The following TF variants were observed in gnomAD, a reference collection of about 807,000 sequenced individuals.
TF encodes the protein transferrin.
A neutral mutation model predicts 82.4 loss-of-function variants in TF; 55 were observed. The observed-to-expected ratio is 0.67, with a 90% CI of 0.54 to 0.84. The LOEUF (loss-of-function observed/expected upper bound fraction) is 0.84. Ranked by LOEUF, TF falls within the 40% of genes least tolerant of loss-of-function variation. TF has a pLI of 0.00. For missense variants in TF, 737 were observed against 868.4 expected (o/e 0.85, Z 1.90); for synonymous variants, 332 against 332.6 (o/e 1.00, Z 0.02).
In TF at chr3:133,756,302, G is replaced by C; in HGVS notation, c.656G>C (p.Gly219Ala). The C allele has an allele frequency of 6.2e-7, 1 of 1,614,084 alleles. No individual in the cohort carries two copies. Among genetic ancestry groups the C allele is most frequent in the South Asian group, 1.1e-5 (1 of 91,054 alleles). Residue 219 changes from glycine (G) to alanine (A), a missense_variant, in exon 6 of 17, where the codon GGG becomes GCG. Transcript: ENST00000402696. ...CCCAGGTGTCTGAAGGATGGTGCTGGGGATGTGGCCTTTGTCAAGCACTCG... is the reference window on the plus strand; with the variant it reads ...CCCAGGTGTCTGAAGGATGGTGCTGCGGATGTGGCCTTTGTCAAGCACTCG... Reference protein sequence around the residue: ...GAFKCLKDGAGDVAFVKHSTI... With the variant: ...GAFKCLKDGAADVAFVKHSTI...
rs1383094607 is a variant in TF at position 133,789,574 on chromosome 3, G to A, written c.*10954G>A. The A allele has an allele frequency of 1.3e-5, 2 of 152,178 alleles. No individual in the cohort carries two copies. The highest frequency in any genetic ancestry group is 2.4e-5 in the African/African-American group (1 of 41,442). The allele number at this position is 152,178 out of a possible 1,614,324, so 9.4% of individuals were successfully genotyped here. On this transcript the variant is annotated 3_prime_UTR_variant, in exon 17 of 17. Coordinates refer to ENST00000402696, the MANE Select transcript of TF (RefSeq NM_001063.4). ...TTCATTTGTGTGTGTGTATACACATGTCTAGATGTGTTTATTTGCACATTT... is the reference window on the plus strand; with the variant it reads ...TTCATTTGTGTGTGTGTATACACATATCTAGATGTGTTTATTTGCACATTT...
chr3:133,727,037 T>A, the TF span, among the ~76,000 whole-genome samples: 1 of 152,218 alleles, frequency 6.6e-6, no homozygotes, highest in Non-Finnish European at 1.5e-5. Flanking sequence ...TTGTTATAAT[T>A]TCTGTTCTTT....
the TF span, among the ~76,000 whole-genome samples, chr3:133,727,620 CTG>C: frequency 6.1e-5 from 7 of 114,778 alleles, no homozygotes; most frequent in East Asian, 1.9e-3. Flanking sequence ...ATTTGCCAGT[CTG>C]TGTCTTTTAA....
At chr3:133,754,387 T>G in intron 3 of TF, 108 bp from the exon 4 acceptor site, 1 of 1,184,726 alleles carries the variant, frequency 8.4e-7, no homozygotes. Flanking sequence ...CCCAGTCCAG[T>G]AAAAGCATGG....
the TF span, among the ~76,000 whole-genome samples, chr3:133,683,766 C>T: frequency 6.6e-6 from 1 of 152,118 alleles, no homozygotes; most frequent in Admixed American, 6.5e-5. Flanking sequence ...GACTTTAACA[C>T]CCCCCTGTCA....
chr3:133,775,982 T>C (rs1934380257), intron 15 of TF, among the ~76,000 whole-genome samples: 1 of 152,138 alleles, frequency 6.6e-6, no homozygotes, highest in South Asian at 2.1e-4. Flanking sequence ...GCTCAAAATA[T>C]GTTAGCTGTG....
At chr3:133,775,143 A>C in intron 14 of TF, 1 of 476,008 alleles carries the variant, frequency 2.1e-6, no homozygotes, top group Non-Finnish European at 3.9e-6. Context: ...AATTTAGTGG[A>C]ATTGAAGATC....
At chr3:133,729,805 C>T in the TF span, among the ~76,000 whole-genome samples, 3 of 152,114 alleles carry the variant, frequency 2.0e-5, no homozygotes, top group African/African-American at 7.2e-5. Flanking sequence ...ATCTTGGCTC[C>T]TCCCCCCCGT....
chr3:133,775,642 C>T (rs751149061), intron 15 of TF, 25 bp downstream of exon 15: 3 of 1,612,306 alleles, frequency 1.9e-6, no homozygotes, highest in African/African-American at 1.3e-5. Flanking sequence ...GGTCCTCCCA[C>T]CTTTTCTTCC....
upstream of TF, among the ~76,000 whole-genome samples, chr3:133,742,028 G>T (rs948647167): frequency 6.6e-6 from 1 of 152,178 alleles, no homozygotes; most frequent in African/African-American, 2.4e-5. Context: ...TTGTTGCCCA[G>T]GCTGGAATGC....
the TF span, among the ~76,000 whole-genome samples, chr3:133,721,127 C>T: frequency 6.6e-6 from 1 of 152,022 alleles, no homozygotes. Flanking sequence ...TTTCTTCCTT[C>T]TACCAATTTC....
chr3:133,746,278 G>T, upstream of TF: 1 of 752,402 alleles, frequency 1.3e-6, no homozygotes, highest in South Asian at 1.6e-5. Flanking sequence ...AAGGAAGGGG[G>T]GTTGGGAGAG....
rs930350917 is a variant in TF, at chr3:133,784,372, G to C, written c.*5752G>C. 6.6e-6 allele frequency: 1 copy of C among 150,958 alleles called. No individual in the cohort carries two copies. The highest frequency in any genetic ancestry group is 2.4e-5 in the African/African-American group (1 of 40,990). 9.4% of individuals were successfully genotyped at this position (150,958 alleles called of 1,614,324 possible). A position where few individuals can be genotyped will look rare whatever the true frequency, so the allele number is the denominator to read the frequency against. ...CAACTTCCCCCCCAGCCTTTTAAAAGAAAACATTTGCTACATCGAGCCGTT... is the reference window on the plus strand; with the variant it reads ...CAACTTCCCCCCCAGCCTTTTAAAACAAAACATTTGCTACATCGAGCCGTT... On this transcript the variant is annotated 3_prime_UTR_variant, in exon 17 of 17. Coordinates refer to ENST00000402696, the MANE Select transcript of TF (RefSeq NM_001063.4).
the TF span, among the ~76,000 whole-genome samples, chr3:133,679,895 A>G: frequency 6.6e-6 from 1 of 152,162 alleles, no homozygotes; most frequent in Non-Finnish European, 1.5e-5. Flanking sequence ...GCCATTTTAC[A>G]TTCCCACCAG....
At chr3:133,727,935 A>T in the TF span, among the ~76,000 whole-genome samples, 1 of 152,200 alleles carries the variant, frequency 6.6e-6, no homozygotes, top group Admixed American at 6.5e-5. Flanking sequence ...GCTGGACATG[A>T]AATTCTGGAT....
chr3:133,740,523 G>A, the TF span, among the ~76,000 whole-genome samples: 1 of 152,082 alleles, frequency 6.6e-6, no homozygotes, highest in Non-Finnish European at 1.5e-5. Flanking sequence ...TATACACGGG[G>A]TTTCACCATT....
the TF span, among the ~76,000 whole-genome samples, chr3:133,691,207 T>G: frequency 5.9e-5 from 9 of 152,196 alleles, no homozygotes; most frequent in African/African-American, 2.2e-4. Flanking sequence ...GAAGAGGCTG[T>G]GAAGTTGCTT....
rs146075620 is a variant in TF, at chr3:133,759,270, G to A, written c.1144G>A (p.Val382Ile). Residue 382 changes from valine (V) to isoleucine (I), a missense_variant, in exon 9 of 17, where the codon GTA becomes ATA. Val to Ile is a conservative substitution (Grantham distance 29). Coordinates refer to ENST00000402696, the MANE Select transcript of TF (RefSeq NM_001063.4). Reference protein sequence around the residue: ...LKCDEWSVNSVGKIECVSAET... With the variant: ...LKCDEWSVNSIGKIECVSAET... The stretch of plus-strand genomic sequence containing the variant: ...GTGTGATGAGTGGAGTGTTAACAGT[G>A]TAGGGAAAATAGAGTGTGTATCAGC... 3.3e-5 allele frequency: 54 copies of A among 1,614,010 alleles called. No homozygotes were observed. The highest frequency in any genetic ancestry group is 4.4e-5 in the Non-Finnish European group (52 of 1,180,046).
the TF span, among the ~76,000 whole-genome samples, chr3:133,688,002 T>C: frequency 6.6e-6 from 1 of 152,314 alleles, no homozygotes; most frequent in South Asian, 2.1e-4. Context: ...TGGTGGAATC[T>C]TTTGGCTTTT....
Sources: gnomAD v4.1 joint callset for allele counts (sites outside exome capture counted in the v4.1 genomes callset) on GRCh38, gnomAD v4.1.1 for gene constraint, MANE v1.5 for transcripts, NCBI Gene and HGNC (gene_info 2026-07-23, HGNC 2026-07-21) for gene names.